FOXP1: variants seen among roughly 807,000 people sequenced by gnomAD.
FOXP1 encodes the protein forkhead box P1.
FOXP1 carries 15 observed loss-of-function variants against 98.2 expected under a neutral mutation model. The ratio of observed to expected loss-of-function variants is 0.15; its 90% CI spans 0.10 to 0.24. The LOEUF (loss-of-function observed/expected upper bound fraction) is 0.24, where lower values mean the gene tolerates loss of function less well. FOXP1 is among the 10% of genes least tolerant of loss of function. FOXP1 has a pLI of 1.00. For synonymous variants in FOXP1, 371 were observed against 314.5 expected (o/e 1.18, Z -1.90); for missense variants, 633 against 848.5 (o/e 0.75, Z 3.15).
At chr3:71,493,006 A>C (rs2091171559) in intron 3 of FOXP1, among the ~76,000 whole-genome samples, 1 of 152,176 alleles carries the variant, frequency 6.6e-6, no homozygotes, top group Non-Finnish European at 1.5e-5. Context: ...TGATCATACA[A>C]AAAGTTTGGG....
At chr3:71,291,360 A>AAATATTTC in intron 5 of FOXP1, among the ~76,000 whole-genome samples, 1 of 152,350 alleles carries the variant, frequency 6.6e-6, no homozygotes, top group Non-Finnish European at 1.5e-5. Context: ...AAAAATTATC[A>AAATATTTC]AATATTTCAT....
intron 2 of FOXP1, among the ~76,000 whole-genome samples, chr3:71,529,955 G>C (rs767642255): frequency 6.6e-6 from 1 of 152,130 alleles, no homozygotes; most frequent in South Asian, 2.1e-4. Flanking sequence ...ATTTCTAGCC[G>C]GTGGGTCAGA....
intron 5 of FOXP1, among the ~76,000 whole-genome samples, chr3:71,208,489 G>A (rs1664651235): frequency 6.6e-6 from 1 of 150,502 alleles, no homozygotes; most frequent in Middle Eastern, 3.4e-3. Flanking sequence ...ACATTCCAGG[G>A]ACAAGTTCCC....
chr3:71,064,874 C>G (rs1384398608), intron 7 of FOXP1: 1 of 956,708 alleles, frequency 1.0e-6, no homozygotes, highest in Non-Finnish European at 1.2e-6. Flanking sequence ...CTCGGGGCGC[C>G]CGCGCGGGCC....
intron 10 of FOXP1, among the ~76,000 whole-genome samples, chr3:71,042,757 C>A (rs1366533345): frequency 6.6e-6 from 1 of 152,116 alleles, no homozygotes; most frequent in Admixed American, 6.6e-5. Flanking sequence ...AGGCTGTGTG[C>A]ATTATATTCA....
chr3:71,021,305 T>C (rs2045395068), intron 11 of FOXP1, among the ~76,000 whole-genome samples: 1 of 152,250 alleles, frequency 6.6e-6, no homozygotes, highest in Non-Finnish European at 1.5e-5. Context: ...TATGTTCTTT[T>C]ATGCCTGGCT....
At chr3:71,064,548 A>G (rs1049284907) in intron 7 of FOXP1, among the ~76,000 whole-genome samples, 1 of 151,810 alleles carries the variant, frequency 6.6e-6, no homozygotes, top group Admixed American at 6.6e-5. Context: ...CGAGAGTGTG[A>G]GCCAAAGAGC....
intron 6 of FOXP1, chr3:71,130,369 G>C (rs2059490673): frequency 1.2e-6 from 1 of 855,736 alleles, no homozygotes; most frequent in Non-Finnish European, 1.8e-6. Flanking sequence ...AGGGAAGGGG[G>C]AGGAAAAAAA....
chr3:70,988,250 G>A (rs1245566226), intron 13 of FOXP1, among the ~76,000 whole-genome samples, 173 bp from the exon 14 acceptor site: 1 of 152,216 alleles, frequency 6.6e-6, no homozygotes, highest in Admixed American at 6.5e-5. Flanking sequence ...GTAACCGGAG[G>A]TGTTGGTGTG....
intron 3 of FOXP1, among the ~76,000 whole-genome samples, chr3:71,386,741 CAAAAAAAA>C (rs5850010): frequency 9.9e-5 from 9 of 90,976 alleles, no homozygotes; most frequent in Non-Finnish European, 1.6e-4. Flanking sequence ...GATTCCGTCT[CAAAAAAAA>C]AAAAAAAAAA....
chr3:71,159,720 C>T (rs1455770516), intron 6 of FOXP1, among the ~76,000 whole-genome samples: 1 of 152,094 alleles, frequency 6.6e-6, no homozygotes, highest in African/African-American at 2.4e-5. Flanking sequence ...ACTAATATTC[C>T]ATTTCCTACC....
At chr3:71,079,014 C>T (rs141245652) in intron 7 of FOXP1, among the ~76,000 whole-genome samples, 1 of 152,272 alleles carries the variant, frequency 6.6e-6, no homozygotes, top group East Asian at 1.9e-4. Context: ...CGCCCACTCA[C>T]GGTTTGGTTT....
At chr3:71,449,127 G>A (rs191475863) in intron 3 of FOXP1, among the ~76,000 whole-genome samples, 5 of 152,110 alleles carry the variant, frequency 3.3e-5, no homozygotes, top group Non-Finnish European at 7.4e-5. Context: ...TTAAATTTTG[G>A]TAATAAAAAC....
intron 4 of FOXP1, among the ~76,000 whole-genome samples, chr3:71,336,945 CAG>C (rs893404905): frequency 5.9e-5 from 9 of 152,002 alleles, no homozygotes; most frequent in African/African-American, 2.2e-4. Flanking sequence ...CCCTACAGCT[CAG>C]GGGGCCAGGG....
At chr3:71,145,406 A>G (rs183994541) in intron 6 of FOXP1, among the ~76,000 whole-genome samples, 7 of 152,138 alleles carry the variant, frequency 4.6e-5, no homozygotes, top group African/African-American at 1.4e-4. Flanking sequence ...GCGTGGTGGC[A>G]CATGCCTGTA....
intron 5 of FOXP1, among the ~76,000 whole-genome samples, chr3:71,230,119 A>G (rs61461660): frequency 0.27 from 12,566 of 45,762 alleles, 499 homozygotes; most frequent in East Asian, 0.37. Context: ...ACCACTGGGG[A>G]GGGGTGGGTG....
At chr3:71,358,852 A>G (rs1178695179) in intron 4 of FOXP1, among the ~76,000 whole-genome samples, 2 of 152,152 alleles carry the variant, frequency 1.3e-5, no homozygotes, top group African/African-American at 2.4e-5. Context: ...TGCAAAAAAG[A>G]CTGTATGGCT....
At chr3:71,350,801 G>A (rs2077726410) in intron 4 of FOXP1, among the ~76,000 whole-genome samples, 1 of 152,252 alleles carries the variant, frequency 6.6e-6, no homozygotes, top group South Asian at 2.1e-4. Context: ...ACCCGACGTG[G>A]TACATAAACA....
intron 3 of FOXP1, among the ~76,000 whole-genome samples, chr3:71,367,901 G>A (rs1414981577): frequency 6.6e-6 from 1 of 152,080 alleles, no homozygotes; most frequent in African/African-American, 2.4e-5. Context: ...GTCAACTCCA[G>A]GAGCAGAAGA....
Sources: allele counts gnomAD v4.1 joint callset (sites outside exome capture counted in the v4.1 genomes callset), GRCh38; gene constraint gnomAD v4.1.1; transcripts MANE v1.5; gene names NCBI Gene and HGNC (gene_info 2026-07-23, HGNC 2026-07-21).